The following RGS6 variants were observed in gnomAD, a reference collection of about 807,000 sequenced individuals.
The protein encoded by RGS6 is regulator of G-protein signaling 6.
A neutral mutation model predicts 78.5 loss-of-function variants in RGS6; 30 were observed. That is an observed-to-expected ratio of 0.38 (90% CI 0.29 to 0.52). The LOEUF (loss-of-function observed/expected upper bound fraction) is 0.52. Among genes scored for constraint, RGS6 ranks in the 20% least tolerant of loss-of-function variants. RGS6 has a pLI of 0.85. For synonymous variants in RGS6, 206 were observed against 206.0 expected, an observed-to-expected ratio of 1.00 and a Z score of 0.00; for missense variants, 495 against 609.7, an observed-to-expected ratio of 0.81 and a Z score of 1.98.
At chr14:72,160,649 T>G (rs565375186) in intron 2 of RGS6, among the ~76,000 whole-genome samples, 2 of 152,310 alleles carry the variant, frequency 1.3e-5, no homozygotes, top group South Asian at 2.1e-4. Context: ...CCAATATGGT[T>G]GTTGTCTTTA....
At chr14:72,192,752 T>G (rs1003591874) in intron 2 of RGS6, among the ~76,000 whole-genome samples, 34 of 152,350 alleles carry the variant, frequency 2.2e-4, no homozygotes, top group African/African-American at 8.2e-4. Flanking sequence ...ATTTTCTTTC[T>G]TTCGTTCACT....
At chr14:72,239,034 G>A (rs924826921) in intron 2 of RGS6, among the ~76,000 whole-genome samples, 6 of 134,920 alleles carry the variant, frequency 4.4e-5, no homozygotes, top group Non-Finnish European at 1.0e-4. Flanking sequence ...AAAAGAGACT[G>A]AAGTTAAGTT....
chr14:72,435,713 G>A (rs2094873956), intron 3 of RGS6, among the ~76,000 whole-genome samples: 1 of 151,672 alleles, frequency 6.6e-6, no homozygotes, highest in Admixed American at 6.6e-5. Flanking sequence ...CAGCTCTCTG[G>A]CATGTTTGTG....
chr14:72,472,228 A>C (rs1350281799), intron 8 of RGS6, among the ~76,000 whole-genome samples: 2 of 152,022 alleles, frequency 1.3e-5, no homozygotes, highest in African/African-American at 4.8e-5. Context: ...GCAGATCAGA[A>C]CAATAAGAAT....
At chr14:71,988,478 A>G (rs1333585408) in intron 2 of RGS6, among the ~76,000 whole-genome samples, 1 of 152,194 alleles carries the variant, frequency 6.6e-6, no homozygotes, top group East Asian at 1.9e-4. Flanking sequence ...TGTGAACATT[A>G]TGTGAAATTC....
the RGS6 span, among the ~76,000 whole-genome samples, chr14:71,872,716 C>T: frequency 2.6e-5 from 4 of 152,068 alleles, no homozygotes; most frequent in African/African-American, 9.7e-5. Flanking sequence ...CATATGTATA[C>T]ATGTGCCATG....
At chr14:72,210,055 T>C (rs190904694) in intron 2 of RGS6, among the ~76,000 whole-genome samples, 2 of 152,352 alleles carry the variant, frequency 1.3e-5, no homozygotes, top group South Asian at 2.1e-4. Context: ...AGAGGATCTC[T>C]TGTCTTGAAG....
chr14:72,441,824 C>G (rs188779420), intron 3 of RGS6, among the ~76,000 whole-genome samples: 2 of 152,358 alleles, frequency 1.3e-5, no homozygotes, highest in East Asian at 3.9e-4. Context: ...TTCTGCACAC[C>G]AAGCCCTTCT....
chr14:72,392,277 T>C (rs2090178885), intron 3 of RGS6, among the ~76,000 whole-genome samples: 1 of 152,112 alleles, frequency 6.6e-6, no homozygotes, highest in Non-Finnish European at 1.5e-5. Flanking sequence ...TGTCTTTACA[T>C]CTGACCATGA....
At chr14:72,320,421 A>G (rs1595760446) in intron 2 of RGS6, among the ~76,000 whole-genome samples, 1 of 151,928 alleles carries the variant, frequency 6.6e-6, no homozygotes, top group East Asian at 1.9e-4. Context: ...TACCAAAAAA[A>G]TTAAAAATTA....
rs144554733 is a variant in RGS6, at chr14:72,268,756, T to C, written c.85-83339T>C. ...GGGAGACAGGTAGGCAGAACAGTTG[T>C]GGTACCATCCCGCCCCATAAGACAA... On this transcript the variant is annotated intron_variant, in intron 2 of 17. Coordinates refer to ENST00000553525, the MANE Select transcript of RGS6 (RefSeq NM_001204424.2). 2.0e-5 allele frequency among the ~76,000 whole-genome samples: 3 copies of C among 152,322 alleles called. No individual in the cohort carries two copies. In the East Asian group the frequency reaches 5.8e-4, roughly 29 times the overall value.
intron 2 of RGS6, among the ~76,000 whole-genome samples, chr14:72,080,481 A>C (rs951892840): frequency 2.0e-5 from 3 of 151,780 alleles, no homozygotes; most frequent in Admixed American, 2.0e-4. Flanking sequence ...TAGATTGTCT[A>C]CTTTGTTGTT....
At chr14:72,267,934 G>C (rs2059325825) in intron 2 of RGS6, among the ~76,000 whole-genome samples, 1 of 152,166 alleles carries the variant, frequency 6.6e-6, no homozygotes, top group Non-Finnish European at 1.5e-5. Context: ...ATGAGACAGG[G>C]AATGACACAT....
chr14:71,971,476 C>T (rs181838148), intron 2 of RGS6, among the ~76,000 whole-genome samples: 15 of 151,944 alleles, frequency 9.9e-5, no homozygotes, highest in Non-Finnish European at 1.6e-4. Context: ...GGGCCTTTGC[C>T]GACTACTTTC....
rs576445691 is a variant in RGS6, at chr14:71,995,638, C to T, written c.84+30763C>T. ...GTTGAGAGAATTAAATGATTTAATG[C>T]GCATCAGGAGATTGGAACCTGACAC... On this transcript the variant is annotated intron_variant, in intron 2 of 17. Transcript: ENST00000553525. 2.2e-4 allele frequency among the ~76,000 whole-genome samples: 34 copies of T among 152,224 alleles called. 1 individual carries two copies. The South Asian group carries it at 5.8e-3, about 26-fold the overall frequency.
chr14:72,332,164 C>A (rs190724330), intron 2 of RGS6, among the ~76,000 whole-genome samples: 2 of 152,184 alleles, frequency 1.3e-5, no homozygotes, highest in South Asian at 2.1e-4. Flanking sequence ...CTGACAGACA[C>A]GGTGGGCTGC....
intron 2 of RGS6, among the ~76,000 whole-genome samples, chr14:72,001,524 C>T (rs911578822): frequency 1.8e-4 from 25 of 140,770 alleles, no homozygotes; most frequent in African/African-American, 5.1e-4. Flanking sequence ...ACACACACAA[C>T]GCAGCAACAA....
At chr14:72,118,015 G>A (rs909487960) in intron 2 of RGS6, among the ~76,000 whole-genome samples, 1 of 152,134 alleles carries the variant, frequency 6.6e-6, no homozygotes, top group Non-Finnish European at 1.5e-5. Context: ...TAGTCTCTGT[G>A]CCTACAAATG....
intron 2 of RGS6, among the ~76,000 whole-genome samples, chr14:72,328,345 A>T (rs1996662): frequency 0.61 from 92,642 of 152,076 alleles, 30,910 homozygotes; most frequent in African/African-American, 0.9. Flanking sequence ...ACAGACACTG[A>T]CTAGAATGCA....
Sources: allele counts gnomAD v4.1 joint callset (sites outside exome capture counted in the v4.1 genomes callset), GRCh38; gene constraint gnomAD v4.1.1; transcripts MANE v1.5; gene names NCBI Gene and HGNC (gene_info 2026-07-23, HGNC 2026-07-21).